The following ARNT2 variants were observed in gnomAD, a reference collection of about 807,000 sequenced individuals.
The protein encoded by ARNT2 is aryl hydrocarbon receptor nuclear translocator 2.
ARNT2 carries 36 observed loss-of-function variants against 91.7 expected under a neutral mutation model. That is an observed-to-expected ratio of 0.39 (90% confidence interval 0.30 to 0.52). The LOEUF (loss-of-function observed/expected upper bound fraction) is 0.52, where lower values mean the gene tolerates loss of function less well. Ranked by LOEUF, ARNT2 falls within the 20% of genes least tolerant of loss-of-function variation. The pLI, the probability that ARNT2 is intolerant of heterozygous loss-of-function variation, is 0.72. For synonymous variants in ARNT2, 365 were observed against 347.1 expected, an observed-to-expected ratio of 1.05 and a Z score of -0.57; for missense variants, 775 against 939.3, an observed-to-expected ratio of 0.83 and a Z score of 2.29.
At chr15:80,480,804 C>T (rs1566983733) in intron 5 of ARNT2, among the ~76,000 whole-genome samples, 1 of 152,082 alleles carries the variant, frequency 6.6e-6, no homozygotes, top group Non-Finnish European at 1.5e-5. Flanking sequence ...CCTTTCTTCT[C>T]TCTCTCTCCC....
intron 11 of ARNT2, among the ~76,000 whole-genome samples, chr15:80,558,264 G>A (rs1596012637): frequency 1.3e-5 from 2 of 151,706 alleles, no homozygotes; most frequent in Middle Eastern, 3.4e-3. Context: ...TGGCTTGTTT[G>A]GGGGGTTGTT....
intron 4 of ARNT2, among the ~76,000 whole-genome samples, chr15:80,471,935 C>T (rs1225043087): frequency 6.6e-6 from 1 of 152,126 alleles, no homozygotes; most frequent in Non-Finnish European, 1.5e-5. Context: ...GGCCTGTGTT[C>T]AGGGTCTTTG....
At position 80,438,062 on chromosome 15, in the gene ARNT2, T is replaced by C. The variant is rs144047508; in HGVS notation, c.32-12818T>C. The stretch of plus-strand genomic sequence containing the variant: ...GCTGAGCATCTATGTTTGGCTGTGA[T>C]TGAGGCTGATGCTGAATCATTGAAT... On this transcript the variant is annotated intron_variant, in intron 1 of 18. Transcript: ENST00000303329. 2.6e-3 allele frequency among the ~76,000 whole-genome samples: 398 copies of C among 152,234 alleles called. 1 individual carries two copies. The highest frequency in any genetic ancestry group is 0.011 in the South Asian group (52 of 4,824).
intron 15 of ARNT2, among the ~76,000 whole-genome samples, chr15:80,578,889 G>A (rs1898736633): frequency 6.6e-6 from 1 of 152,222 alleles, no homozygotes; most frequent in Non-Finnish European, 1.5e-5. Context: ...TTGGGATGGG[G>A]TAGGCTGTGG....
At chr15:80,408,335 A>T (rs1396938944) in intron 1 of ARNT2, among the ~76,000 whole-genome samples, 1 of 152,238 alleles carries the variant, frequency 6.6e-6, no homozygotes, top group Non-Finnish European at 1.5e-5. Context: ...TAATAACACC[A>T]GGTGGAATGA....
At chr15:80,518,059 ATTC>A (rs1897470017) in intron 8 of ARNT2, among the ~76,000 whole-genome samples, 1 of 151,798 alleles carries the variant, frequency 6.6e-6, no homozygotes, top group African/African-American at 2.4e-5. Flanking sequence ...ATGCCTTGTA[ATTC>A]TTTGTTGAAA....
intron 1 of ARNT2, among the ~76,000 whole-genome samples, chr15:80,422,823 T>A (rs185441685): frequency 1.1e-3 from 174 of 152,334 alleles, no homozygotes; most frequent in Admixed American, 1.8e-3. Context: ...TATTAAATAT[T>A]TCTACACTTA....
intron 1 of ARNT2, among the ~76,000 whole-genome samples, chr15:80,422,768 T>G (rs78568335): frequency 4.4e-5 from 2 of 45,198 alleles, no homozygotes; most frequent in Admixed American, 4.3e-4. Flanking sequence ...AGAGTAATAA[T>G]TAAGGCATAT....
At chr15:80,569,165 T>G (rs1249192777) in intron 12 of ARNT2, among the ~76,000 whole-genome samples, 1 of 152,206 alleles carries the variant, frequency 6.6e-6, no homozygotes, top group Admixed American at 6.5e-5. Flanking sequence ...GCCCGCTTCA[T>G]GGCTTCTTGC....
At chr15:80,476,357 C>T (rs747018721) in intron 5 of ARNT2, among the ~76,000 whole-genome samples, 11 of 152,178 alleles carry the variant, frequency 7.2e-5, no homozygotes, top group Non-Finnish European at 1.6e-4. Flanking sequence ...CACAACCTTT[C>T]TATGTTCATC....
chr15:80,555,204 A>C, intron 11 of ARNT2, 65 bp downstream of exon 11: 1 of 1,547,310 alleles, frequency 6.5e-7, no homozygotes, highest in Non-Finnish European at 8.9e-7. Context: ...TGTGGCTGGC[A>C]GGACATTAGT....
chr15:80,460,813 G>A (rs1896541549), intron 3 of ARNT2, among the ~76,000 whole-genome samples: 1 of 152,212 alleles, frequency 6.6e-6, no homozygotes, highest in African/African-American at 2.4e-5. Context: ...GTACATCCAT[G>A]TGAGGAGGAG....
At chr15:80,405,301 C>A (rs569894425) in intron 1 of ARNT2, among the ~76,000 whole-genome samples, 2 of 152,226 alleles carry the variant, frequency 1.3e-5, no homozygotes, top group South Asian at 4.2e-4. Context: ...GGGAAAGTTC[C>A]CTACCTGATG....
chr15:80,532,279 C>T (rs1248590752), intron 8 of ARNT2, among the ~76,000 whole-genome samples: 1 of 152,094 alleles, frequency 6.6e-6, no homozygotes, highest in Non-Finnish European at 1.5e-5. Flanking sequence ...AGAGCTTGAG[C>T]CTTTGATGAC....
chr15:80,571,127 T>C (rs1385173457), intron 12 of ARNT2, among the ~76,000 whole-genome samples: 1 of 152,192 alleles, frequency 6.6e-6, no homozygotes, highest in Non-Finnish European at 1.5e-5. Context: ...ATGAAAGTTA[T>C]AGGGAGGTAC....
chr15:80,446,434 A>G (rs950529523), intron 1 of ARNT2, among the ~76,000 whole-genome samples: 1 of 152,162 alleles, frequency 6.6e-6, no homozygotes, highest in Admixed American at 6.5e-5. Context: ...AAGCATGAAC[A>G]TGTCCTACGT....
At chr15:80,439,536 A>G (rs1255467314) in intron 1 of ARNT2, among the ~76,000 whole-genome samples, 3 of 152,180 alleles carry the variant, frequency 2.0e-5, no homozygotes, top group Non-Finnish European at 4.4e-5. Context: ...TACTCTTAGC[A>G]TTTTCCTATA....
Position 80,404,617 on chromosome 15 carries a change from C to A in ARNT2, c.31+71C>A, listed in dbSNP as rs1216762509. On this transcript the variant is annotated intron_variant, in intron 1 of 18. Coordinates refer to ENST00000303329, the MANE Select transcript of ARNT2 (RefSeq NM_014862.4). The surrounding 1 kb of genome is among the most constrained non-coding windows in gnomAD (Gnocchi z 5.5). The stretch of plus-strand genomic sequence containing the variant: ...TTGCCCGGGGCCGGAGCGGACCAGG[C>A]GCGCCGGGCGCCCCCGGGGGCGCGG... 6 of 984,952 alleles carry A rather than the reference C, an allele frequency of 6.1e-6. No homozygotes were observed. The African/African-American group carries it at 8.8e-5, about 14-fold the overall frequency. 61.0% of individuals were successfully genotyped at this position (984,952 alleles called of 1,614,324 possible).
At chr15:80,572,493 C>T (rs1203227077) in intron 12 of ARNT2, among the ~76,000 whole-genome samples, 1 of 151,684 alleles carries the variant, frequency 6.6e-6, no homozygotes, top group Non-Finnish European at 1.5e-5. Flanking sequence ...CCTCTCCCAC[C>T]CTCCCCTCTC....
Sources: gnomAD v4.1 joint callset for allele counts (sites outside exome capture counted in the v4.1 genomes callset) on GRCh38, gnomAD v4.1.1 for gene constraint, Gnocchi (gnomAD v3.1) non-coding constraint, MANE v1.5 for transcripts, NCBI Gene and HGNC (gene_info 2026-07-23, HGNC 2026-07-21) for gene names.